The following PXK variants were observed in gnomAD, a reference collection of about 807,000 sequenced individuals.
PXK encodes PX domain-containing protein kinase-like protein.
In PXK, 35 loss-of-function variants were observed where a neutral mutation model predicts 84.7. The ratio of observed to expected loss-of-function variants is 0.41; its 90% CI spans 0.32 to 0.55. The LOEUF (loss-of-function observed/expected upper bound fraction) is 0.55, where lower values mean the gene tolerates loss of function less well. PXK is among the 20% of genes least tolerant of loss of function. The probability of loss-of-function intolerance (pLI) is 0.21; values close to 1 mark genes in which losing one functional copy is unlikely to be tolerated. For missense variants in PXK, 634 were observed against 699.7 expected (o/e 0.91, Z 1.06); for synonymous variants, 253 against 260.8 (o/e 0.97, Z 0.29).
rs1010330243 is a variant in PXK, at chr3:58,364,106, A to G, written c.103-1768A>G. ...TGAGACCCACTTGGTCATGGTATAT[A>G]ATTCTTTTTATAAATTGCTGAATTC... On this transcript the variant is annotated intron_variant, in intron 1 of 17. Transcript: ENST00000356151. This position sits in a 1 kb window ranked among gnomAD's most constrained non-coding sequence, Gnocchi z 4.3. Among the ~76,000 whole-genome samples, 1 of 152,158 alleles carries G rather than the reference A, an allele frequency of 6.6e-6. No homozygotes were observed. Among genetic ancestry groups the G allele is most frequent in the Non-Finnish European group, 1.5e-5 (1 of 68,032 alleles).
At chr3:58,415,355 C>T (rs949442964) in intron 17 of PXK, among the ~76,000 whole-genome samples, 2 of 152,224 alleles carry the variant, frequency 1.3e-5, no homozygotes, top group African/African-American at 4.8e-5. Context: ...GACCGGCCAG[C>T]TTCAAGTAGG....
rs1242868160 is a variant in PXK, at chr3:58,400,358, C to T, written c.1181+981C>T. 6.6e-6 allele frequency among the ~76,000 whole-genome samples: 1 copy of T among 152,130 alleles called. No individual in the cohort carries two copies. The highest frequency in any genetic ancestry group is 1.9e-4 in the East Asian group (1 of 5,194). The stretch of plus-strand genomic sequence containing the variant: ...ACCAGCGTATTATATAACAGATATA[C>T]TCTGAAAACAATAATATGGGGAAAC... On this transcript the variant is annotated intron_variant, in intron 12 of 17. Coordinates refer to ENST00000356151, the MANE Select transcript of PXK (RefSeq NM_017771.5). This position sits in a 1 kb window ranked among gnomAD's most constrained non-coding sequence, Gnocchi z 4.0.
At chr3:58,362,867 C>G (rs1377338517) in intron 1 of PXK, among the ~76,000 whole-genome samples, 1 of 152,120 alleles carries the variant, frequency 6.6e-6, no homozygotes, top group Non-Finnish European at 1.5e-5. Context: ...GTGCGTACCA[C>G]CATGCCCGGC....
At chr3:58,391,061 A>T (rs2098626031) in intron 5 of PXK, 86 bp from the exon 6 acceptor site, 2 of 981,006 alleles carry the variant, frequency 2.0e-6, no homozygotes, top group African/African-American at 3.2e-5. Flanking sequence ...TGCCAAACTT[A>T]ATTTTTCTTG....
rs574993429 is a variant in PXK, at chr3:58,406,529, C to T, written c.1231-2395C>T. 9.9e-5 allele frequency among the ~76,000 whole-genome samples: 15 copies of T among 152,156 alleles called. No homozygotes were observed. In the South Asian group the frequency reaches 2.9e-3, roughly 30 times the overall value. ...TGGCCCCAAGTGGCCTCCCAAAGTGCTGGGATTACAGGTGTGAGCCACTGT... is the reference window on the plus strand; with the variant it reads ...TGGCCCCAAGTGGCCTCCCAAAGTGTTGGGATTACAGGTGTGAGCCACTGT... On this transcript the variant is annotated intron_variant, in intron 13 of 17. Transcript: ENST00000356151.
chr3:58,362,109 C>T (rs2108356251), intron 1 of PXK, among the ~76,000 whole-genome samples: 1 of 152,266 alleles, frequency 6.6e-6, no homozygotes, highest in Non-Finnish European at 1.5e-5. Flanking sequence ...TCATGTATGC[C>T]ATCTGTATAT....
At position 58,385,867 on chromosome 3, in the gene PXK, C is replaced by T. The variant is rs1306910920; in HGVS notation, c.388+3167C>T. ...TTTTCCACATGGTCTGCAGTCACCA[C>T]CCAGCTTCATTTCAGCAGGATTTGA... On this transcript the variant is annotated intron_variant, in intron 4 of 17. Transcript: ENST00000356151. This position sits in a 1 kb window ranked among gnomAD's most constrained non-coding sequence, Gnocchi z 5.1. Among the ~76,000 whole-genome samples, 1 of 152,176 alleles carries T rather than the reference C, an allele frequency of 6.6e-6. No homozygotes were observed. Among genetic ancestry groups the T allele is most frequent in the South Asian group, 2.1e-4 (1 of 4,828 alleles).
At chr3:58,415,846 G>T (rs1365445270) in intron 17 of PXK, among the ~76,000 whole-genome samples, 1 of 152,136 alleles carries the variant, frequency 6.6e-6, no homozygotes, top group Non-Finnish European at 1.5e-5. Context: ...GAAGCTACAG[G>T]CAAAATTATA....
intron 1 of PXK, among the ~76,000 whole-genome samples, chr3:58,337,593 C>T (rs2107664084): frequency 6.6e-6 from 1 of 152,258 alleles, no homozygotes. Flanking sequence ...CCTCAGCCTC[C>T]TGAGTAGCTG....
chr3:58,422,040 C>G, intron 17 of PXK: 1 of 985,390 alleles, frequency 1.0e-6, no homozygotes, highest in Non-Finnish European at 1.2e-6. Flanking sequence ...AGGTTTGTCA[C>G]AGGCCAAATG....
At chr3:58,354,862 A>G (rs1472916724) in intron 1 of PXK, among the ~76,000 whole-genome samples, 1 of 152,066 alleles carries the variant, frequency 6.6e-6, no homozygotes, top group Non-Finnish European at 1.5e-5. Flanking sequence ...TCGCGCTTGT[A>G]ATCCCAACAC....
In PXK at chr3:58,390,409, AC is replaced by A. The variant is rs1228346948; in HGVS notation, c.389-172del. On this transcript the variant is annotated intron_variant, in intron 4 of 17. Coordinates refer to ENST00000356151, the MANE Select transcript of PXK (RefSeq NM_017771.5). The surrounding 1 kb of genome is among the most constrained non-coding windows in gnomAD (Gnocchi z 4.2). The stretch of plus-strand genomic sequence containing the variant: ...ATTCCAGGGTCCAATCTAAAATCCC[AC>A]ATTGCATTTAGTTTGTGTGTATTTT... Among the ~76,000 whole-genome samples the A allele has an allele frequency of 6.6e-6, 1 of 152,104 alleles. No individual in the cohort carries two copies. The highest frequency in any genetic ancestry group is 1.5e-5 in the Non-Finnish European group (1 of 68,012).
intron 3 of PXK, among the ~76,000 whole-genome samples, chr3:58,372,228 TTTC>T (rs2098383331): frequency 6.6e-6 from 1 of 152,216 alleles, no homozygotes; most frequent in Non-Finnish European, 1.5e-5. Flanking sequence ...TCTTTTTCTG[TTTC>T]TTTGTTTTGT....
intron 9 of PXK, among the ~76,000 whole-genome samples, 181 bp from the exon 10 acceptor site, chr3:58,396,858 A>AAC (rs1374001761): frequency 1.3e-5 from 2 of 152,266 alleles, no homozygotes; most frequent in African/African-American, 2.4e-5. Context: ...TCAAAACTGG[A>AAC]AAGCATTCAG....
intron 3 of PXK, among the ~76,000 whole-genome samples, chr3:58,374,362 G>A (rs1448139086): frequency 6.6e-6 from 1 of 151,872 alleles, no homozygotes; most frequent in East Asian, 1.9e-4. Flanking sequence ...CAGTAGAGAT[G>A]GGGGTTTCAT....
chr3:58,402,980 G>A (rs1016819757), intron 12 of PXK, among the ~76,000 whole-genome samples: 3 of 149,522 alleles, frequency 2.0e-5, no homozygotes, highest in South Asian at 4.3e-4. Context: ...CCCGGTGTCT[G>A]TTGTTTACTT....
intron 13 of PXK, 72 bp downstream of exon 13, chr3:58,403,982 G>T: frequency 9.0e-7 from 1 of 1,110,138 alleles, no homozygotes; most frequent in Admixed American, 2.7e-5. Flanking sequence ...TGTATTTTTA[G>T]CCAAAAAAAG....
At chr3:58,423,520 T>C (rs1288646181) in intron 17 of PXK, 11 of 1,535,820 alleles carry the variant, frequency 7.2e-6, no homozygotes, top group Non-Finnish European at 9.6e-6. Context: ...TTGTAAGACT[T>C]TAACCCATAC....
chr3:58,398,786 C>G lies in PXK; in HGVS notation c.1103-513C>G, dbSNP rs1193821003. ...AAAGAGGCAATTCAAGAGAACAGGC[C>G]CTGGGACTATATTGTGTTGAATTTG... is the stretch of plus-strand genomic sequence containing the variant. On this transcript the variant is annotated intron_variant, in intron 11 of 17. Transcript: ENST00000356151. This position sits in a 1 kb window ranked among gnomAD's most constrained non-coding sequence, Gnocchi z 4.5. Among the ~76,000 whole-genome samples the G allele has an allele frequency of 5.3e-5, 8 of 152,060 alleles. No individual in the cohort carries two copies. Among genetic ancestry groups the G allele is most frequent in the Non-Finnish European group, 1.0e-4 (7 of 68,010 alleles).
Sources: allele counts gnomAD v4.1 joint callset (sites outside exome capture counted in the v4.1 genomes callset), GRCh38; gene constraint gnomAD v4.1.1; non-coding constraint Gnocchi (gnomAD v3.1); transcripts MANE v1.5; gene names NCBI Gene and HGNC (gene_info 2026-07-23, HGNC 2026-07-21).